Variants in ROBO2 observed in about 807,000 individuals in gnomAD.
ROBO2 encodes roundabout guidance receptor 2, also known as roundabout homolog 2.
ROBO2 carries 53 observed loss-of-function variants against 160.8 expected under a neutral mutation model. The ratio of observed to expected loss-of-function variants is 0.33; its 90% CI spans 0.26 to 0.41. The LOEUF is 0.41. ROBO2 is among the 10% of genes least tolerant of loss of function. The pLI is 1.00. For synonymous variants in ROBO2, 664 were observed against 611.7 expected, an observed-to-expected ratio of 1.09 and a Z score of -1.26; for missense variants, 1,577 against 1,722.4, an observed-to-expected ratio of 0.92 and a Z score of 1.49.
chr3:76,778,682 T>A (rs566774951), intron 2 of ROBO2, among the ~76,000 whole-genome samples: 1 of 151,112 alleles, frequency 6.6e-6, no homozygotes, highest in African/African-American at 2.4e-5. Flanking sequence ...AATATTACAA[T>A]GTATAGGCAA....
At chr3:77,035,007 G>GA (rs1279737230), upstream of ROBO2, among the ~76,000 whole-genome samples, 2 of 151,702 alleles carry the variant, frequency 1.3e-5, no homozygotes. Flanking sequence ...TAATGGGCAG[G>GA]AAAAAAATCC....
chr3:76,049,562 T>C (rs1470812453), intron 2 of ROBO2, among the ~76,000 whole-genome samples: 2 of 151,514 alleles, frequency 1.3e-5, no homozygotes, highest in Non-Finnish European at 2.9e-5. Flanking sequence ...TCCTTTAGTG[T>C]ATATGTATTA....
chr3:77,385,577 A>T (rs2074014385), intron 2 of ROBO2, among the ~76,000 whole-genome samples: 1 of 152,206 alleles, frequency 6.6e-6, no homozygotes, highest in Non-Finnish European at 1.5e-5. Context: ...AAGCCTAAAC[A>T]TTCATCCTGA....
intron 24 of ROBO2, among the ~76,000 whole-genome samples, chr3:77,641,926 A>C (rs1242448914): frequency 1.3e-5 from 2 of 152,144 alleles, no homozygotes; most frequent in Non-Finnish European, 2.9e-5. Flanking sequence ...TTTCTGAAAA[A>C]TTATCTCTTC....
At chr3:77,109,256 G>C (rs756792710) in intron 2 of ROBO2, among the ~76,000 whole-genome samples, 1 of 152,172 alleles carries the variant, frequency 6.6e-6, no homozygotes, top group Non-Finnish European at 1.5e-5. Context: ...TGGGTATAGA[G>C]TTTCAGCTGG....
At chr3:76,853,530 C>A (rs1488013206) in intron 2 of ROBO2, among the ~76,000 whole-genome samples, 2 of 152,068 alleles carry the variant, frequency 1.3e-5, no homozygotes, top group Non-Finnish European at 2.9e-5. Context: ...AAGTAAGTTT[C>A]CTAAATTTAC....
intron 2 of ROBO2, among the ~76,000 whole-genome samples, chr3:76,050,303 C>A (rs1441278781): frequency 6.6e-6 from 1 of 152,158 alleles, no homozygotes; most frequent in Admixed American, 6.5e-5. Flanking sequence ...ACTCTAAGTT[C>A]TTCAGCTTTT....
chr3:76,766,564 T>C (rs939979873), intron 2 of ROBO2, among the ~76,000 whole-genome samples: 3 of 151,652 alleles, frequency 2.0e-5, no homozygotes, highest in Admixed American at 1.3e-4. Flanking sequence ...GTAACATTTT[T>C]CTGAATTGTT....
intron 2 of ROBO2, among the ~76,000 whole-genome samples, chr3:77,450,440 G>C (rs1258523731): frequency 6.6e-6 from 1 of 152,004 alleles, no homozygotes; most frequent in Non-Finnish European, 1.5e-5. Context: ...ATAATCCCTT[G>C]AAAAGTGAAC....
At chr3:76,055,711 T>C (rs893938345) in intron 2 of ROBO2, among the ~76,000 whole-genome samples, 1 of 152,204 alleles carries the variant, frequency 6.6e-6, no homozygotes, top group Admixed American at 6.5e-5. Flanking sequence ...AAGGTGTATG[T>C]ATACTTTTTT....
chr3:77,598,677 C>G (rs998982241), intron 19 of ROBO2, among the ~76,000 whole-genome samples: 6 of 151,876 alleles, frequency 4.0e-5, no homozygotes, highest in Non-Finnish European at 8.8e-5. Flanking sequence ...TCTCACTTGC[C>G]CAGATACTCT....
chr3:77,237,362 G>T, intron 2 of ROBO2, among the ~76,000 whole-genome samples: 1 of 146,922 alleles, frequency 6.8e-6, no homozygotes. Context: ...ACCATACCTA[G>T]CTTTTCTTTT....
chr3:77,063,822 T>G (rs1228214638), intron 1 of ROBO2, among the ~76,000 whole-genome samples: 1 of 152,248 alleles, frequency 6.6e-6, no homozygotes, highest in Non-Finnish European at 1.5e-5. Flanking sequence ...TTTTGCTGAC[T>G]TCATCAATAG....
chr3:76,206,170 G>T (rs1238644489), intron 2 of ROBO2, among the ~76,000 whole-genome samples: 1 of 138,878 alleles, frequency 7.2e-6, no homozygotes, highest in African/African-American at 2.6e-5. Flanking sequence ...AAAGCCTTTA[G>T]AACTTCTTAC....
chr3:77,437,912 T>G (rs757759917), intron 2 of ROBO2, among the ~76,000 whole-genome samples: 2 of 152,006 alleles, frequency 1.3e-5, no homozygotes, highest in Admixed American at 1.3e-4. Flanking sequence ...CACACTACAG[T>G]GTGCAAAGCT....
chr3:76,350,429 G>T (rs1483354262), intron 2 of ROBO2, among the ~76,000 whole-genome samples: 1 of 151,944 alleles, frequency 6.6e-6, no homozygotes, highest in Non-Finnish European at 1.5e-5. Flanking sequence ...AGTTGTAATT[G>T]CCATTTTCTC....
At chr3:76,313,872 A>G (rs1183018253) in intron 2 of ROBO2, among the ~76,000 whole-genome samples, 2 of 152,096 alleles carry the variant, frequency 1.3e-5, no homozygotes, top group African/African-American at 4.8e-5. Context: ...AACAGGAACT[A>G]CCATTGAGAC....
chr3:77,018,973 C>T (rs1318617532), intron 2 of ROBO2, among the ~76,000 whole-genome samples: 5 of 152,166 alleles, frequency 3.3e-5, no homozygotes, highest in Non-Finnish European at 7.3e-5. Flanking sequence ...AACAGCCCTC[C>T]CTGTCCCTGA....
intron 2 of ROBO2, among the ~76,000 whole-genome samples, chr3:75,958,018 T>C (rs1222515004): frequency 5.3e-5 from 8 of 151,722 alleles, no homozygotes; most frequent in South Asian, 2.1e-4. Flanking sequence ...GAATCTTCAA[T>C]ACAAAAAAAC....
Sources: gnomAD v4.1 joint callset for allele counts (sites outside exome capture counted in the v4.1 genomes callset) on GRCh38, gnomAD v4.1.1 for gene constraint, MANE v1.5 for transcripts, NCBI Gene and HGNC (gene_info 2026-07-23, HGNC 2026-07-21) for gene names.